Variants in EPB41L4B observed in about 807,000 individuals in gnomAD.
The protein encoded by EPB41L4B is erythrocyte membrane protein band 4.1 like 4B, also known as band 4.1-like protein 4B.
Under a neutral mutation model 112.5 loss-of-function variants are expected in EPB41L4B, and 30 were observed. The observed-to-expected ratio is 0.27, with a 90% CI of 0.20 to 0.36. The LOEUF (loss-of-function observed/expected upper bound fraction) is 0.36. EPB41L4B is among the 10% of genes least tolerant of loss of function. The pLI is 1.00. For missense variants in EPB41L4B, 1,024 were observed against 1,133.3 expected (o/e 0.90, Z 1.38); for synonymous variants, 408 against 439.7 (o/e 0.93, Z 0.90).
At chr9:109,241,371 T>C in intron 15 of EPB41L4B, 2 of 1,134,942 alleles carry the variant, frequency 1.8e-6, no homozygotes, top group Non-Finnish European at 2.2e-6. Context: ...ACAAAGAACA[T>C]CAGGAACATA....
chr9:109,257,461 C>T (rs982612365), intron 7 of EPB41L4B, among the ~76,000 whole-genome samples: 24 of 152,128 alleles, frequency 1.6e-4, no homozygotes, highest in Middle Eastern at 3.2e-3. Context: ...TAACACTGTA[C>T]AGCACACGGT....
intron 17 of EPB41L4B, among the ~76,000 whole-genome samples, chr9:109,209,524 G>T (rs1490846252): frequency 6.6e-6 from 1 of 151,430 alleles, no homozygotes; most frequent in African/African-American, 2.4e-5. Flanking sequence ...AAGAGGGCGT[G>T]GTGGCCCTCA....
chr9:109,249,260 G>A (rs867879359), intron 13 of EPB41L4B, among the ~76,000 whole-genome samples: 1 of 151,840 alleles, frequency 6.6e-6, no homozygotes, highest in Non-Finnish European at 1.5e-5. Flanking sequence ...AGTACACAGA[G>A]CTAGGCTCTG....
At chr9:109,264,182 G>A (rs1364661688) in intron 5 of EPB41L4B, among the ~76,000 whole-genome samples, 1 of 152,186 alleles carries the variant, frequency 6.6e-6, no homozygotes, top group Non-Finnish European at 1.5e-5. Flanking sequence ...GGTCTATGGA[G>A]TACATTTCAC....
At chr9:109,210,671 A>T (rs1188243824) in intron 17 of EPB41L4B, among the ~76,000 whole-genome samples, 1 of 152,216 alleles carries the variant, frequency 6.6e-6, no homozygotes, top group Non-Finnish European at 1.5e-5. Context: ...GGTGAAGGCC[A>T]ATATACATTT....
At chr9:109,216,763 A>T (rs1048221900) in intron 16 of EPB41L4B, among the ~76,000 whole-genome samples, 159 bp downstream of exon 16, 6 of 152,168 alleles carry the variant, frequency 3.9e-5, no homozygotes, top group Non-Finnish European at 7.4e-5. Flanking sequence ...TCAAATGCAT[A>T]AGGCTCTTGT....
rs1837856065 is a variant in EPB41L4B, at chr9:109,320,979, C to T, written c.-533G>A. The T allele has an allele frequency of 1.2e-5, 2 of 171,510 alleles. No individual in the cohort carries two copies. Among genetic ancestry groups the T allele is most frequent in the Non-Finnish European group, 2.4e-5 (2 of 84,320 alleles). The allele number at this position is 171,510 out of a possible 1,614,324, so 10.6% of individuals were successfully genotyped here. On this transcript the variant is annotated 5_prime_UTR_variant, in exon 1 of 26. Coordinates refer to ENST00000374566, the MANE Select transcript of EPB41L4B (RefSeq NM_019114.5). Reference sequence around the variant, plus strand: ...GCGCCTTTTCCTGCGCCCGCAGCCCCCGCCTCCCACCTGGGAGGCTGCACC... The same window carrying T: ...GCGCCTTTTCCTGCGCCCGCAGCCCTCGCCTCCCACCTGGGAGGCTGCACC...
In EPB41L4B at chr9:109,320,678, G is replaced by C. The variant is rs897621312; in HGVS notation, c.-232C>G. 6.9e-6 allele frequency: 1 copy of C among 145,146 alleles called. No individual in the cohort carries two copies. The allele number at this position is 145,146 out of a possible 1,614,324, so 9.0% of individuals were successfully genotyped here. A position where few individuals can be genotyped will look rare whatever the true frequency, so the allele number is the denominator to read the frequency against. ...GCCGGCTGCGAGTGGCCGCAGGCGGGAGGGCGCGCTCGGGGCCGTCCCGCC... is the reference window on the plus strand; with the variant it reads ...GCCGGCTGCGAGTGGCCGCAGGCGGCAGGGCGCGCTCGGGGCCGTCCCGCC... On this transcript the variant is annotated 5_prime_UTR_variant, in exon 1 of 26. Transcript: ENST00000374566.
At chr9:109,232,994 G>T (rs1834005235) in intron 15 of EPB41L4B, among the ~76,000 whole-genome samples, 1 of 152,190 alleles carries the variant, frequency 6.6e-6, no homozygotes, top group Non-Finnish European at 1.5e-5. Flanking sequence ...TTCAGCCAGG[G>T]AATGAAGCTG....
chr9:109,178,575 A>G (rs117276487), intron 24 of EPB41L4B, among the ~76,000 whole-genome samples: 1,865 of 152,164 alleles, frequency 0.012, 14 homozygotes, highest in Middle Eastern at 0.034. Flanking sequence ...TGTTAAGAAC[A>G]GTATTCAGAA....
In EPB41L4B at chr9:109,207,963, C is replaced by G. The variant is rs1564266084; in HGVS notation, c.1839G>C (p.Leu613=). ...PVADHVKCNI[L]KAQLENASRV... ...GGGAAGCATTTTCCAACTGGGCTTT[C>G]AGAATGTTACACTTCACATGATCCG... The change falls in exon 18 of 26, where the codon CTG becomes CTC. Residue 613 remains leucine (L), a synonymous_variant. Transcript: ENST00000374566. 2 of 1,614,136 alleles carry G rather than the reference C, an allele frequency of 1.2e-6. No individual in the cohort carries two copies. The highest frequency in any genetic ancestry group is 1.1e-5 in the South Asian group (1 of 91,070).
In EPB41L4B at chr9:109,255,593, C is replaced by T. The variant is rs753889477; in HGVS notation, c.1087G>A (p.Ala363Thr). The change falls in exon 11 of 26, where the codon GCA (alanine) becomes ACA (threonine). Residue 363 changes from alanine to threonine, a missense_variant. Transcript: ENST00000374566. ...HLWKCAVEHH[A>T]FFRLRTPGNS... The stretch of plus-strand genomic sequence containing the variant: ...CCTGGCGTCCGCAGTCGGAAGAATG[C>T]GTGGTGCTCAACTGCACACTTCCAA... 17 of 1,614,046 alleles carry T rather than the reference C, an allele frequency of 1.1e-5. No homozygotes were observed. The highest frequency in any genetic ancestry group is 1.6e-4 in the Middle Eastern group (1 of 6,082).
At chr9:109,183,746 C>G (rs1456300054) in intron 23 of EPB41L4B, among the ~76,000 whole-genome samples, 1 of 152,202 alleles carries the variant, frequency 6.6e-6, no homozygotes, top group Non-Finnish European at 1.5e-5. Flanking sequence ...AGGCAAGACA[C>G]CAAGGCCACC....
At chr9:109,268,357 A>G in intron 3 of EPB41L4B, 34 bp downstream of exon 3, 1 of 1,600,542 alleles carries the variant, frequency 6.2e-7, no homozygotes, top group Non-Finnish European at 8.5e-7. Context: ...CTCAGAAAAA[A>G]AATAAATGAG....
Position 109,289,543 on chromosome 9 carries a change from G to C in EPB41L4B, c.307-9622C>G, listed in dbSNP as rs1360103483. Among the ~76,000 whole-genome samples the C allele has an allele frequency of 2.0e-5, 3 of 152,224 alleles. No homozygotes were observed. The South Asian group carries it at 6.2e-4, about 32-fold the overall frequency. On this transcript the variant is annotated intron_variant, in intron 1 of 25. Transcript: ENST00000374566. The stretch of plus-strand genomic sequence containing the variant: ...AGGAGAATCCTCAGTTCCTACAACA[G>C]TCTTCAAACAACTCACTTTTCAGAA...
In EPB41L4B at chr9:109,284,261, T is replaced by A. The variant is rs10979801; in HGVS notation, c.307-4340A>T. Among the ~76,000 whole-genome samples, 961 of 152,304 alleles carry A rather than the reference T, an allele frequency of 6.3e-3. 23 individuals carry two copies. In the East Asian group the frequency reaches 0.093, roughly 15 times the overall value. On this transcript the variant is annotated intron_variant, in intron 1 of 25. Transcript: ENST00000374566. ...AATGTACTGAAAGTGAACAACAGAA[T>A]GCTTGCATGGGTACCCAAAGTACGG...
intron 1 of EPB41L4B, 146 bp downstream of exon 1, chr9:109,319,995 G>C: frequency 1.5e-6 from 1 of 657,948 alleles, no homozygotes; most frequent in Middle Eastern, 5.0e-4. Flanking sequence ...AGAAGAAAAA[G>C]GGTTGAGGAG....
At position 109,232,116 on chromosome 9, in the gene EPB41L4B, C is replaced by T. The variant is rs183366914; in HGVS notation, c.1409+11502G>A. Among the ~76,000 whole-genome samples the T allele has an allele frequency of 2.7e-4, 41 of 152,012 alleles. No individual in the cohort carries two copies. The East Asian group carries it at 2.9e-3, about 11-fold the overall frequency. ...AAATGATTCTCCTGCCTCAGACCCC[C>T]GAGTAGCTGGGATTACAGATGTGTG... On this transcript the variant is annotated intron_variant, in intron 15 of 25. Transcript: ENST00000374566.
chr9:109,312,805 C>A (rs565077144), intron 1 of EPB41L4B, among the ~76,000 whole-genome samples: 25 of 152,314 alleles, frequency 1.6e-4, no homozygotes, highest in Admixed American at 1.4e-3. Context: ...GAATCCCCTA[C>A]CCCAAGGAAC....
Sources: gnomAD v4.1 joint callset for allele counts (sites outside exome capture counted in the v4.1 genomes callset) on GRCh38, gnomAD v4.1.1 for gene constraint, MANE v1.5 for transcripts, NCBI Gene and HGNC (gene_info 2026-07-23, HGNC 2026-07-21) for gene names.